The following NLK variants were observed in gnomAD, a reference collection of about 807,000 sequenced individuals.
NLK encodes nemo like kinase, also known as serine/threonine-protein kinase NLK.
In NLK, 11 loss-of-function variants were observed where a neutral mutation model predicts 59.0. The ratio of observed to expected loss-of-function variants is 0.19; its 90% CI spans 0.12 to 0.31. The LOEUF is 0.31. NLK is among the 10% of genes least tolerant of loss of function. The pLI is 1.00. For synonymous variants in NLK, 235 were observed against 235.9 expected (o/e 1.00, Z 0.03); for missense variants, 410 against 661.1 (o/e 0.62, Z 4.16).
At chr17:28,155,402 C>T (rs1907660082) in intron 3 of NLK, among the ~76,000 whole-genome samples, 1 of 152,126 alleles carries the variant, frequency 6.6e-6, no homozygotes, top group African/African-American at 2.4e-5. Context: ...ACTAGAAATA[C>T]CATTTGACCC....
chr17:28,054,950 G>GATA (rs1462416864), intron 1 of NLK, among the ~76,000 whole-genome samples: 7 of 152,134 alleles, frequency 4.6e-5, no homozygotes, highest in Admixed American at 4.6e-4. Context: ...TATTTAAGAG[G>GATA]ATAACTCTCT....
intron 1 of NLK, among the ~76,000 whole-genome samples, chr17:28,075,412 A>G (rs891014597): frequency 6.6e-6 from 1 of 152,216 alleles, no homozygotes; most frequent in African/African-American, 2.4e-5. Flanking sequence ...TTGAGGGGCT[A>G]TTTCCCTGAA....
intron 1 of NLK, among the ~76,000 whole-genome samples, chr17:28,121,495 C>T (rs201106461): frequency 1.9e-3 from 136 of 72,274 alleles, no homozygotes; most frequent in Middle Eastern, 0.019. Flanking sequence ...TCTTTCTTTT[C>T]TTTTTTTTTT....
At chr17:28,190,913 A>T (rs1909283660) in intron 8 of NLK, 108 bp from the exon 9 acceptor site, 1 of 732,964 alleles carries the variant, frequency 1.4e-6, no homozygotes, top group African/African-American at 1.8e-5. Flanking sequence ...GATGTACTAT[A>T]AATTATATAT....
At chr17:28,084,332 T>A (rs1354218522) in intron 1 of NLK, among the ~76,000 whole-genome samples, 1 of 152,226 alleles carries the variant, frequency 6.6e-6, no homozygotes, top group Non-Finnish European at 1.5e-5. Context: ...TACTTATTGA[T>A]AACCTTCACT....
At chr17:28,134,715 T>A (rs1906666961) in intron 3 of NLK, among the ~76,000 whole-genome samples, 1 of 152,200 alleles carries the variant, frequency 6.6e-6, no homozygotes, top group South Asian at 2.1e-4. Flanking sequence ...GGACTTGGGG[T>A]GCCCCAGCTC....
chr17:28,093,018 C>T (rs932248289), intron 1 of NLK, among the ~76,000 whole-genome samples: 2 of 152,048 alleles, frequency 1.3e-5, no homozygotes, highest in South Asian at 4.1e-4. Context: ...TGGTCTCGAT[C>T]TCCTGACCTC....
intron 1 of NLK, among the ~76,000 whole-genome samples, chr17:28,077,807 C>A (rs1352489041): frequency 6.6e-6 from 1 of 152,134 alleles, no homozygotes; most frequent in Non-Finnish European, 1.5e-5. Flanking sequence ...AATAAACTAA[C>A]TATAGATTTT....
At chr17:28,160,317 CCT>C (rs1407080752) in intron 3 of NLK, among the ~76,000 whole-genome samples, 2 of 152,176 alleles carry the variant, frequency 1.3e-5, no homozygotes, top group African/African-American at 4.8e-5. Flanking sequence ...TATCAGTTCT[CCT>C]CCCTGTTCCC....
chr17:28,165,409 A>G (rs1908181746), intron 5 of NLK, among the ~76,000 whole-genome samples: 1 of 152,162 alleles, frequency 6.6e-6, no homozygotes, highest in Non-Finnish European at 1.5e-5. Context: ...ACTAAAGGAA[A>G]ATGCCATTTG....
At chr17:28,143,318 A>C (rs1248104120) in intron 3 of NLK, among the ~76,000 whole-genome samples, 1 of 152,190 alleles carries the variant, frequency 6.6e-6, no homozygotes, top group Non-Finnish European at 1.5e-5. Context: ...CTGGAATTAC[A>C]GCCATGAGCC....
downstream of NLK, among the ~76,000 whole-genome samples, chr17:28,200,799 A>G (rs1597733758): frequency 6.6e-6 from 1 of 152,212 alleles, no homozygotes; most frequent in Non-Finnish European, 1.5e-5. Context: ...TTACTTAAAA[A>G]AAATTTTTTT....
At chr17:28,175,108 C>T (rs898739534) in intron 7 of NLK, among the ~76,000 whole-genome samples, 1 of 151,560 alleles carries the variant, frequency 6.6e-6, no homozygotes, top group Admixed American at 6.6e-5. Flanking sequence ...GTGCTCTGCA[C>T]AGGTTATGTA....
chr17:28,089,672 C>T (rs1466835729), intron 1 of NLK, among the ~76,000 whole-genome samples: 2 of 152,176 alleles, frequency 1.3e-5, no homozygotes, highest in Non-Finnish European at 2.9e-5. Context: ...TTTACCACCT[C>T]ACATTTCCAC....
intron 1 of NLK, among the ~76,000 whole-genome samples, chr17:28,043,647 G>A (rs1908953666): frequency 6.6e-6 from 1 of 152,198 alleles, no homozygotes; most frequent in Admixed American, 6.5e-5. Flanking sequence ...TAATTCCTAC[G>A]AAGACCTTGG....
At position 28,064,174 on chromosome 17, in the gene NLK, C is replaced by CTTTT. The variant is rs66949112; in HGVS notation, c.458+20865_458+20868dup. Among the ~76,000 whole-genome samples, 223 of 99,600 alleles carry CTTTT rather than the reference C, an allele frequency of 2.2e-3. 2 individuals are homozygous for CTTTT. The highest frequency in any genetic ancestry group is 8.2e-3 in the African/African-American group (213 of 25,944). The allele number at this position is 99,600 out of a possible 152,430, so 65.3% of individuals were successfully genotyped here. On this transcript the variant is annotated intron_variant, in intron 1 of 10. Transcript: ENST00000407008. ...TTAGAGTCATCTTTAAGTTAGCAAA[C>CTTTT]TTTTTTTTTTTTTTTTTTTTTTTTT...
intron 1 of NLK, chr17:28,061,932 T>C (rs954462094): frequency 7.1e-4 from 100 of 140,862 alleles, no homozygotes; most frequent in Middle Eastern, 3.7e-3. Flanking sequence ...CATATATATA[T>C]ATATTTTTTT....
At chr17:28,052,964 T>TG (rs1909312856) in intron 1 of NLK, among the ~76,000 whole-genome samples, 3 of 150,876 alleles carry the variant, frequency 2.0e-5, no homozygotes, top group Non-Finnish European at 4.4e-5. Context: ...TTTGTGGAGA[T>TG]GGGGTCTCAC....
intron 1 of NLK, among the ~76,000 whole-genome samples, chr17:28,068,605 CGT>C (rs1383169227): frequency 2.0e-5 from 3 of 151,896 alleles, no homozygotes; most frequent in Non-Finnish European, 2.9e-5. Context: ...GTTTTTAAAA[CGT>C]ATATTTATTC....
Sources: allele counts gnomAD v4.1 joint callset (sites outside exome capture counted in the v4.1 genomes callset), GRCh38; gene constraint gnomAD v4.1.1; transcripts MANE v1.5; gene names NCBI Gene and HGNC (gene_info 2026-07-23, HGNC 2026-07-21).